RPTOR: variants seen among roughly 807,000 people sequenced by gnomAD.
The protein encoded by RPTOR is regulatory-associated protein of mTOR.
RPTOR carries 21 observed loss-of-function variants against 169.9 expected under a neutral mutation model. The ratio of observed to expected loss-of-function variants is 0.12; its 90% CI spans 0.09 to 0.18. The LOEUF (loss-of-function observed/expected upper bound fraction) is 0.18, where lower values mean the gene tolerates loss of function less well. Among genes scored for constraint, RPTOR ranks in the 10% least tolerant of loss-of-function variants. The pLI is 1.00. For missense variants in RPTOR, 1,133 were observed against 1,855.9 expected (o/e 0.61, Z 7.16); for synonymous variants, 732 against 753.2 (o/e 0.97, Z 0.46).
chr17:80,836,547 C>T (rs1235075662), intron 9 of RPTOR, among the ~76,000 whole-genome samples: 1 of 152,120 alleles, frequency 6.6e-6, no homozygotes, highest in Non-Finnish European at 1.5e-5. Context: ...AAGCAGGGGT[C>T]GGTCAGAGGC....
At chr17:80,791,579 T>G in intron 7 of RPTOR, 70 bp downstream of exon 7, 1 of 1,385,694 alleles carries the variant, frequency 7.2e-7, no homozygotes, top group Non-Finnish European at 1.0e-6. Flanking sequence ...TGAAGGCTCT[T>G]GCTTCTCAGA....
intron 31 of RPTOR, 121 bp downstream of exon 31, chr17:80,961,601 C>G: frequency 1.8e-6 from 2 of 1,120,602 alleles, no homozygotes; most frequent in Non-Finnish European, 2.5e-6. Context: ...CAGTAATTAA[C>G]TCCTGCCCTG....
At chr17:80,604,597 C>T (rs1330886748) in intron 1 of RPTOR, among the ~76,000 whole-genome samples, 1 of 152,192 alleles carries the variant, frequency 6.6e-6, no homozygotes, top group East Asian at 1.9e-4. Flanking sequence ...CTAATAAAGA[C>T]ATACCAGAGA....
rs773960866 is a variant in RPTOR at position 80,726,253 on chromosome 17, T to A, written c.508-4307T>A. The stretch of plus-strand genomic sequence containing the variant: ...TTAAAGTCCTAGAGCAGAGACCAAC[T>A]GGGGCCATCCATGGCCCTGTGCCGT... On this transcript the variant is annotated intron_variant, in intron 4 of 33. Coordinates refer to ENST00000306801, the MANE Select transcript of RPTOR (RefSeq NM_020761.3). This position sits in a 1 kb window ranked among gnomAD's most constrained non-coding sequence, Gnocchi z 4.5. Among the ~76,000 whole-genome samples, 5 of 152,142 alleles carry A rather than the reference T, an allele frequency of 3.3e-5. No individual in the cohort carries two copies. The highest frequency in any genetic ancestry group is 5.9e-5 in the Non-Finnish European group (4 of 68,022).
intron 3 of RPTOR, among the ~76,000 whole-genome samples, chr17:80,652,865 G>A (rs1312719716): frequency 6.6e-6 from 1 of 152,064 alleles, no homozygotes; most frequent in Non-Finnish European, 1.5e-5. Context: ...AGTGTATGAG[G>A]GCTCCAGTCT....
In RPTOR at chr17:80,878,338, C is replaced by A. The variant is rs989899173; in HGVS notation, c.1510-2077C>A. ...ATGCGTGGTTTCATCTCTGACTCCA[C>A]GACCTGAGCACAGATTTTTTTTTTT... On this transcript the variant is annotated intron_variant, in intron 13 of 33. Coordinates refer to ENST00000306801, the MANE Select transcript of RPTOR (RefSeq NM_020761.3). This position sits in a 1 kb window ranked among gnomAD's most constrained non-coding sequence, Gnocchi z 4.1. Among the ~76,000 whole-genome samples the A allele has an allele frequency of 1.3e-5, 2 of 152,242 alleles. No individual in the cohort carries two copies. Among genetic ancestry groups the A allele is most frequent in the East Asian group, 3.9e-4 (2 of 5,188 alleles).
intron 7 of RPTOR, among the ~76,000 whole-genome samples, chr17:80,794,849 G>A (rs1191336693): frequency 6.6e-6 from 1 of 152,202 alleles, no homozygotes; most frequent in East Asian, 1.9e-4. Context: ...TGACCTTCTG[G>A]GAAAGACAGA....
intron 1 of RPTOR, among the ~76,000 whole-genome samples, chr17:80,616,704 G>A (rs866262445): frequency 2.1e-4 from 32 of 152,226 alleles, no homozygotes; most frequent in Middle Eastern, 3.4e-3. Flanking sequence ...GGGAGGATCC[G>A]TTTGAGCCCT....
intron 20 of RPTOR, among the ~76,000 whole-genome samples, chr17:80,908,400 C>T (rs1049615313): frequency 2.6e-5 from 4 of 152,148 alleles, no homozygotes; most frequent in African/African-American, 9.7e-5. Context: ...CACAGCAGCA[C>T]GTGCTGAACT....
chr17:80,964,210 G>A (rs567536688), intron 33 of RPTOR, 52 bp from the exon 34 acceptor site: 34 of 564,690 alleles, frequency 6.0e-5, no homozygotes, highest in Non-Finnish European at 7.0e-5. Flanking sequence ...CCCGCCCCCC[G>A]CAGTGTCTGC....
intron 9 of RPTOR, among the ~76,000 whole-genome samples, chr17:80,829,784 A>G (rs1309329446): frequency 6.6e-6 from 1 of 152,204 alleles, no homozygotes; most frequent in Non-Finnish European, 1.5e-5. Flanking sequence ...TATTTTCTGC[A>G]AGGTCTGACA....
intron 1 of RPTOR, among the ~76,000 whole-genome samples, chr17:80,616,584 A>G (rs1036140363): frequency 9.9e-5 from 15 of 152,216 alleles, no homozygotes; most frequent in African/African-American, 2.2e-4. Context: ...GGCATGAGCC[A>G]CCGCACCCGG....
chr17:80,653,984 G>T (rs2065660678), intron 3 of RPTOR, among the ~76,000 whole-genome samples: 1 of 152,170 alleles, frequency 6.6e-6, no homozygotes, highest in African/African-American at 2.4e-5. Context: ...TGCTTCCCTG[G>T]ATGGCCAGGC....
At chr17:80,617,987 CT>C (rs1197342364) in intron 1 of RPTOR, among the ~76,000 whole-genome samples, 34 of 146,238 alleles carry the variant, frequency 2.3e-4, no homozygotes, top group Admixed American at 3.4e-4. Context: ...ATAGTTACAA[CT>C]TTTTTTTTTT....
intron 2 of RPTOR, among the ~76,000 whole-genome samples, chr17:80,626,874 C>T (rs1263530733): frequency 6.6e-6 from 1 of 151,444 alleles, no homozygotes; most frequent in Admixed American, 6.6e-5. Context: ...TAATGTTGTG[C>T]AAGCATCCTC....
At chr17:80,926,664 C>T (rs1228226343) in intron 24 of RPTOR, among the ~76,000 whole-genome samples, 2 of 152,224 alleles carry the variant, frequency 1.3e-5, no homozygotes, top group Non-Finnish European at 2.9e-5. Context: ...CTCATGACAA[C>T]ATTCCTTAAA....
At chr17:80,666,366 A>G (rs2065779487) in intron 3 of RPTOR, among the ~76,000 whole-genome samples, 1 of 152,156 alleles carries the variant, frequency 6.6e-6, no homozygotes, top group Non-Finnish European at 1.5e-5. Context: ...TGGAGACTAG[A>G]AGAAGTGCTA....
Position 80,947,413 on chromosome 17 carries a change from G to T in RPTOR, c.3265+62G>T. 1 of 1,469,278 alleles carries T rather than the reference G, an allele frequency of 6.8e-7. No homozygotes were observed. Among genetic ancestry groups the T allele is most frequent in the Non-Finnish European group, 9.0e-7 (1 of 1,110,300 alleles). 91.0% of individuals were successfully genotyped at this position (1,469,278 alleles called of 1,614,324 possible). A position where few individuals can be genotyped will look rare whatever the true frequency, so the allele number is the denominator to read the frequency against. On this transcript the variant is annotated intron_variant, in intron 27 of 33. Transcript: ENST00000306801. This position sits in a 1 kb window ranked among gnomAD's most constrained non-coding sequence, Gnocchi z 4.4. ...GGTCTGGAGGAGTGGCGGGGAGGGT[G>T]TGTGATCCTGAGATGTGTTTGTACA...
intron 10 of RPTOR, among the ~76,000 whole-genome samples, chr17:80,841,647 GGCAGCTCACTCTCACCGCGCC>G (rs1466563123): frequency 8.1e-6 from 1 of 124,082 alleles, no homozygotes. Context: ...CTCACCACAC[GGCAGCTCACTCTCACCGCGCC>G]GCAGCTCACA....
Sources: gnomAD v4.1 joint callset for allele counts (sites outside exome capture counted in the v4.1 genomes callset) on GRCh38, gnomAD v4.1.1 for gene constraint, Gnocchi (gnomAD v3.1) non-coding constraint, MANE v1.5 for transcripts, NCBI Gene and HGNC (gene_info 2026-07-23, HGNC 2026-07-21) for gene names.